The following MYOF variants were observed in gnomAD, a reference collection of about 807,000 sequenced individuals.
MYOF encodes the protein myoferlin.
A neutral mutation model predicts 284.2 loss-of-function variants in MYOF; 244 were observed. The ratio of observed to expected loss-of-function variants is 0.86; its 90% CI spans 0.77 to 0.95. The LOEUF (loss-of-function observed/expected upper bound fraction) is 0.95. Ranked by LOEUF, MYOF falls within the 40% of genes least tolerant of loss-of-function variation. The pLI, the probability that MYOF is intolerant of heterozygous loss-of-function variation, is 0.00. For synonymous variants in MYOF, 904 were observed against 919.7 expected (o/e 0.98, Z 0.31); for missense variants, 2,496 against 2,560.6 (o/e 0.97, Z 0.54).
chr10:93,351,563 A>T lies in MYOF; in HGVS notation c.3672T>A (p.Asp1224Glu). Reference sequence around the variant, plus strand: ...AGAAAATGCTTCGTCCTAAAAATTCATCTTTGCCCTAGAGAAACAAAGTGA... The same window carrying T: ...AGAAAATGCTTCGTCCTAAAAATTCTTCTTTGCCCTAGAGAAACAAAGTGA... ...ELFDNDQVGK[D>E]EFLGRSIFSP... The change falls in exon 34 of 54, where the codon GAT becomes GAA. Residue 1224 changes from aspartate (D) to glutamate (E), a missense_variant. Physicochemically the swap from Asp to Glu is conservative, Grantham distance 45. Around this residue, in one of 3 missense-constraint regions of MYOF, gnomAD observed 2,436 missense variants for 2,480.7 expected, o/e 0.98. Coordinates refer to ENST00000359263, the MANE Select transcript of MYOF (RefSeq NM_013451.4). The T allele has an allele frequency of 6.2e-7, 1 of 1,614,146 alleles. No individual in the cohort carries two copies.
intron 6 of MYOF, 86 bp from the exon 7 acceptor site, chr10:93,409,001 C>A (rs1369029569): frequency 4.4e-6 from 7 of 1,577,022 alleles, no homozygotes; most frequent in African/African-American, 4.0e-5. Context: ...ATTTCCTTCA[C>A]CTATTAGGAT....
intron 2 of MYOF, among the ~76,000 whole-genome samples, chr10:93,455,403 C>T (rs1314332833): frequency 2.0e-5 from 3 of 152,090 alleles, no homozygotes; most frequent in Non-Finnish European, 1.5e-5. Flanking sequence ...CGCAATGGCT[C>T]ACACCTGTAA....
chr10:93,380,477 T>C (rs1332060989), intron 20 of MYOF, among the ~76,000 whole-genome samples: 1 of 152,184 alleles, frequency 6.6e-6, no homozygotes, highest in Admixed American at 6.5e-5. Flanking sequence ...TGATGTTTCC[T>C]AGGATGTCTT....
chr10:93,380,449 T>TG (rs899157871), intron 20 of MYOF, among the ~76,000 whole-genome samples: 7 of 152,188 alleles, frequency 4.6e-5, no homozygotes, highest in African/African-American at 1.7e-4. Flanking sequence ...AGCCTTACTG[T>TG]GATTAAGAAT....
At chr10:93,375,472 T>C (rs10882225) in intron 22 of MYOF, among the ~76,000 whole-genome samples, 47,985 of 152,126 alleles carry the variant, frequency 0.32, 8,702 homozygotes, top group East Asian at 0.86. Context: ...TGTCAACACG[T>C]AGTGTGATGT....
intron 7 of MYOF, among the ~76,000 whole-genome samples, chr10:93,406,766 C>G (rs1002213901): frequency 6.6e-6 from 1 of 151,868 alleles, no homozygotes; most frequent in African/African-American, 2.4e-5. Context: ...TTCTGCAGAG[C>G]TGGAAGCCAG....
At chr10:93,327,355 G>A (rs923126600) in intron 45 of MYOF, among the ~76,000 whole-genome samples, 3 of 152,096 alleles carry the variant, frequency 2.0e-5, no homozygotes, top group Non-Finnish European at 4.4e-5. Flanking sequence ...CTAACTTGTG[G>A]ACTGCCAATA....
intron 18 of MYOF, among the ~76,000 whole-genome samples, chr10:93,388,503 G>C (rs1846510919): frequency 6.6e-6 from 1 of 152,220 alleles, no homozygotes; most frequent in African/African-American, 2.4e-5. Flanking sequence ...AAGGACGGAA[G>C]GGTCCCCACC....
At chr10:93,390,418 A>G (rs529154795) in intron 17 of MYOF, among the ~76,000 whole-genome samples, 1 of 152,272 alleles carries the variant, frequency 6.6e-6, no homozygotes, top group South Asian at 2.1e-4. Flanking sequence ...GATGTACAAA[A>G]CTAGTGCACG....
At chr10:93,436,488 T>TC (rs2134238732) in intron 3 of MYOF, among the ~76,000 whole-genome samples, 1 of 36,804 alleles carries the variant, frequency 2.7e-5, no homozygotes, top group South Asian at 1.5e-3. Flanking sequence ...TTATTTATTA[T>TC]TTTTTCTGAA....
At chr10:93,434,387 G>C (rs1431436165) in intron 3 of MYOF, among the ~76,000 whole-genome samples, 1 of 148,818 alleles carries the variant, frequency 6.7e-6, no homozygotes, top group Non-Finnish European at 1.5e-5. Context: ...GCCAAGATCA[G>C]GCCACTGCAC....
At chr10:93,374,998 A>C (rs1450099944) in intron 22 of MYOF, 43 bp from the exon 23 acceptor site, 2 of 1,574,854 alleles carry the variant, frequency 1.3e-6, no homozygotes, top group African/African-American at 2.7e-5. Flanking sequence ...TTTGAAGAAT[A>C]ACCTAATTTT....
chr10:93,347,837 A>G, intron 36 of MYOF, 55 bp from the exon 37 acceptor site: 3 of 1,554,046 alleles, frequency 1.9e-6, no homozygotes, highest in South Asian at 1.2e-5. Flanking sequence ...GGCAGCTTTG[A>G]GAAAAATTCC....
In MYOF at chr10:93,369,769, T is replaced by C; in HGVS notation, c.2465A>G (p.Gln822Arg). ...KTQTIFLKYP[Q>R]EKNNGPKVPV... ...CACCTTTGGCCCGTTGTTTTTCTCC[T>C]GTGGATACTGTGAGATGAACAATAG... The change falls in exon 25 of 54, where the codon CAG (glutamine) becomes CGG (arginine). Residue 822 changes from glutamine to arginine, a missense_variant. Around this residue, in one of 3 missense-constraint regions of MYOF, gnomAD observed 2,436 missense variants for 2,480.7 expected, o/e 0.98. Transcript: ENST00000359263. The C allele has an allele frequency of 6.2e-7, 1 of 1,614,180 alleles. No homozygotes were observed. Among genetic ancestry groups the C allele is most frequent in the Non-Finnish European group, 8.5e-7 (1 of 1,180,020 alleles).
intron 1 of MYOF, among the ~76,000 whole-genome samples, chr10:93,477,040 G>C (rs1465068315): frequency 1.3e-5 from 2 of 152,188 alleles, no homozygotes; most frequent in Non-Finnish European, 2.9e-5. Context: ...GATGTTTTAT[G>C]TGAATGTAAT....
intron 20 of MYOF, among the ~76,000 whole-genome samples, chr10:93,380,914 C>A (rs908853215): frequency 6.6e-6 from 1 of 152,182 alleles, no homozygotes; most frequent in East Asian, 1.9e-4. Context: ...AGCTGCTTTG[C>A]GGAGCTCAGA....
chr10:93,434,711 A>G (rs1386410093), intron 3 of MYOF, among the ~76,000 whole-genome samples: 1 of 152,228 alleles, frequency 6.6e-6, no homozygotes, highest in Non-Finnish European at 1.5e-5. Context: ...AAATTTTAAA[A>G]ATAAAACTAT....
chr10:93,465,524 C>CTTTTTTT (rs138581408), intron 1 of MYOF, among the ~76,000 whole-genome samples: 16 of 100,080 alleles, frequency 1.6e-4, no homozygotes, highest in Admixed American at 3.5e-4. Flanking sequence ...TTTTTTCTTT[C>CTTTTTTT]TTTTTTTTCT....
chr10:93,343,909 A>C lies in MYOF; in HGVS notation c.4273T>G (p.Cys1425Gly). The C allele has an allele frequency of 6.2e-7, 1 of 1,614,204 alleles. No individual in the cohort carries two copies. Among genetic ancestry groups the C allele is most frequent in the Non-Finnish European group, 8.5e-7 (1 of 1,180,018 alleles). ...TCCATTTCGATAACGATGTCCCGGC[A>C]TGGTGGGGCAGACAGAAGGGAGGCT... is the stretch of plus-strand genomic sequence containing the variant. ...LKASLLSAPP[C>G]RDIVIEMEDT... is the part of the protein sequence containing the mutation. Residue 1425 changes from cysteine to glycine, a missense_variant, in exon 38 of 54, where the codon TGC becomes GGC. Physicochemically the swap from Cys to Gly is radical, Grantham distance 159. Coordinates refer to ENST00000359263, the MANE Select transcript of MYOF (RefSeq NM_013451.4).
Sources: gnomAD v4.1 joint callset for allele counts (sites outside exome capture counted in the v4.1 genomes callset) on GRCh38, gnomAD v4.1.1 for gene constraint, gnomAD v4.1.1 regional missense constraint, MANE v1.5 for transcripts, NCBI Gene and HGNC (gene_info 2026-07-23, HGNC 2026-07-21) for gene names.